HTR4: variants seen among roughly 807,000 people sequenced by gnomAD.
The protein encoded by HTR4 is 5-hydroxytryptamine receptor 4.
A neutral mutation model predicts 36.8 loss-of-function variants in HTR4; 16 were observed. That is an observed-to-expected ratio of 0.43 (90% CI 0.29 to 0.66). The LOEUF (loss-of-function observed/expected upper bound fraction) is 0.66. Ranked by LOEUF, HTR4 falls within the 30% of genes least tolerant of loss-of-function variation. The pLI, the probability that HTR4 is intolerant of heterozygous loss-of-function variation, is 0.13. For missense variants in HTR4, 438 were observed against 490.9 expected (o/e 0.89, Z 1.02); for synonymous variants, 189 against 185.1 (o/e 1.02, Z -0.17).
At chr5:148,460,368 C>G (rs962707360) in intron 5 of HTR4, among the ~76,000 whole-genome samples, 1 of 151,842 alleles carries the variant, frequency 6.6e-6, no homozygotes, top group Non-Finnish European at 1.5e-5. Context: ...TAAAGAAAAT[C>G]AAAGATAAAA....
intron 6 of HTR4, among the ~76,000 whole-genome samples, chr5:148,489,685 A>G (rs1756326011): frequency 1.3e-5 from 2 of 152,158 alleles, no homozygotes; most frequent in Non-Finnish European, 2.9e-5. Flanking sequence ...GTTTGGGAAA[A>G]GCTGACCAAT....
intron 5 of HTR4, among the ~76,000 whole-genome samples, chr5:148,471,544 C>T (rs1015704144): frequency 5.3e-5 from 8 of 152,160 alleles, no homozygotes; most frequent in South Asian, 2.1e-4. Flanking sequence ...AGATGTTATA[C>T]GTAGAAATAT....
At chr5:148,517,403 G>A (rs1452731653) in intron 5 of HTR4, among the ~76,000 whole-genome samples, 3 of 151,758 alleles carry the variant, frequency 2.0e-5, no homozygotes, top group Admixed American at 6.6e-5. Context: ...GACCTCCTAG[G>A]AACTGCAGAA....
chr5:148,628,249 A>G (rs1753193482), intron 2 of HTR4, among the ~76,000 whole-genome samples: 1 of 152,238 alleles, frequency 6.6e-6, no homozygotes, highest in African/African-American at 2.4e-5. Context: ...CTCTGATATC[A>G]CAAAAATTTG....
chr5:148,500,417 G>A (rs1399023357), intron 6 of HTR4, among the ~76,000 whole-genome samples: 1 of 151,948 alleles, frequency 6.6e-6, no homozygotes, highest in Non-Finnish European at 1.5e-5. Flanking sequence ...AAAAGTTGCT[G>A]GTGAGTTAGC....
chr5:148,510,280 C>A (rs992188472), intron 5 of HTR4, among the ~76,000 whole-genome samples: 5 of 152,274 alleles, frequency 3.3e-5, no homozygotes, highest in East Asian at 1.9e-4. Flanking sequence ...ATACAAAGAA[C>A]CTTGATGACA....
intron 2 of HTR4, among the ~76,000 whole-genome samples, chr5:148,582,453 C>G (rs1370441068): frequency 6.6e-6 from 1 of 151,808 alleles, no homozygotes; most frequent in Non-Finnish European, 1.5e-5. Context: ...CTCCTTCATC[C>G]CCCCTTCATC....
At chr5:148,609,051 G>A (rs1241935328) in intron 2 of HTR4, among the ~76,000 whole-genome samples, 1 of 152,168 alleles carries the variant, frequency 6.6e-6, no homozygotes, top group Non-Finnish European at 1.5e-5. Context: ...CTTTGATTCT[G>A]TGCTGAAGAT....
intron 2 of HTR4, among the ~76,000 whole-genome samples, chr5:148,583,573 G>A (rs967118953): frequency 6.6e-6 from 1 of 151,908 alleles, no homozygotes; most frequent in African/African-American, 2.4e-5. Context: ...CATAGTTACA[G>A]CCTCTGGCAA....
At chr5:148,460,039 C>T (rs572585415) in intron 5 of HTR4, among the ~76,000 whole-genome samples, 7 of 151,884 alleles carry the variant, frequency 4.6e-5, no homozygotes, top group African/African-American at 1.7e-4. Context: ...GTAGACTAGA[C>T]ATGGTTGAGA....
intron 1 of HTR4, among the ~76,000 whole-genome samples, chr5:148,643,568 A>T (rs906229850): frequency 6.6e-6 from 1 of 152,226 alleles, no homozygotes; most frequent in Non-Finnish European, 1.5e-5. Flanking sequence ...TTTTGCAATC[A>T]CTTGATTAAC....
At chr5:148,514,453 A>G (rs1757638572) in intron 5 of HTR4, among the ~76,000 whole-genome samples, 1 of 152,026 alleles carries the variant, frequency 6.6e-6, no homozygotes, top group African/African-American at 2.4e-5. Context: ...GGACCCTGTG[A>G]CACACTAGTA....
Position 148,483,020 on chromosome 5 carries a change from A to C in HTR4, c.*183T>G. ...AACAAGGAGGCCATTATGTCCCCTGACTCCCTCCAGCGCCACCTGCTGGAA... is the reference window on the plus strand; with the variant it reads ...AACAAGGAGGCCATTATGTCCCCTGCCTCCCTCCAGCGCCACCTGCTGGAA... On this transcript the variant is annotated 3_prime_UTR_variant, in exon 7 of 7. Coordinates refer to ENST00000377888, the MANE Select transcript of HTR4 (RefSeq NM_000870.7). 6.9e-7 allele frequency: 1 copy of C among 1,448,468 alleles called. No homozygotes were observed. Among genetic ancestry groups the C allele is most frequent in the Non-Finnish European group, 9.1e-7 (1 of 1,098,202 alleles). 89.7% of individuals were successfully genotyped at this position (1,448,468 alleles called of 1,614,324 possible). A position where few individuals can be genotyped will look rare whatever the true frequency, so the allele number is the denominator to read the frequency against.
At chr5:148,540,691 G>A (rs1426022279) in intron 4 of HTR4, among the ~76,000 whole-genome samples, 1 of 151,878 alleles carries the variant, frequency 6.6e-6, no homozygotes, top group Non-Finnish European at 1.5e-5. Context: ...ACAGAAAGAT[G>A]TTTAAGGCAA....
At chr5:148,477,709 A>G (rs1755743507), downstream of HTR4, among the ~76,000 whole-genome samples, 1 of 152,210 alleles carries the variant, frequency 6.6e-6, no homozygotes, top group African/African-American at 2.4e-5. Context: ...ATGGCACCAA[A>G]GCTACTGAAT....
At position 148,571,483 on chromosome 5, in the gene HTR4, T is replaced by C. The variant is rs143599736; in HGVS notation, c.27-21221A>G. Among the ~76,000 whole-genome samples the C allele has an allele frequency of 1.1e-3, 171 of 152,210 alleles. 1 individual carries two copies. The highest frequency in any genetic ancestry group is 3.1e-3 in the Admixed American group (48 of 15,258). On this transcript the variant is annotated intron_variant, in intron 2 of 6. Coordinates refer to ENST00000377888, the MANE Select transcript of HTR4 (RefSeq NM_000870.7). The stretch of plus-strand genomic sequence containing the variant: ...GCTTCTTTGTATTTCAGTTAAGACA[T>C]TATATTGATAATTGTTCATTGTGTA...
intron 1 of HTR4, among the ~76,000 whole-genome samples, chr5:148,639,638 T>TATAC (rs1753663815): frequency 6.8e-6 from 1 of 146,546 alleles, no homozygotes; most frequent in African/African-American, 2.5e-5. Context: ...TATATATATA[T>TATAC]ATATATAGTC....
intron 2 of HTR4, among the ~76,000 whole-genome samples, chr5:148,591,937 C>A (rs1434469532): frequency 2.0e-5 from 3 of 152,006 alleles, no homozygotes; most frequent in African/African-American, 4.8e-5. Flanking sequence ...ACCCAGCAAT[C>A]CCATTACTGC....
intron 2 of HTR4, among the ~76,000 whole-genome samples, chr5:148,616,800 A>G (rs193125688): frequency 6.6e-6 from 1 of 152,314 alleles, no homozygotes; most frequent in East Asian, 1.9e-4. Flanking sequence ...TAAAAAAGTT[A>G]TAACTTACCT....
Sources: gnomAD v4.1 joint callset for allele counts (sites outside exome capture counted in the v4.1 genomes callset) on GRCh38, gnomAD v4.1.1 for gene constraint, MANE v1.5 for transcripts, NCBI Gene and HGNC (gene_info 2026-07-23, HGNC 2026-07-21) for gene names.